TPST1: variants seen among roughly 807,000 people sequenced by gnomAD.
TPST1 encodes protein-tyrosine sulfotransferase 1.
TPST1 carries 20 observed loss-of-function variants against 34.8 expected under a neutral mutation model. The observed-to-expected ratio is 0.57, with a 90% confidence interval of 0.40 to 0.84. TPST1 has a LOEUF of 0.84. TPST1 is among the 40% of genes least tolerant of loss of function. The pLI is 0.00. For missense variants in TPST1, 353 were observed against 455.5 expected, an observed-to-expected ratio of 0.78 and a Z score of 2.05; for synonymous variants, 152 against 159.4, an observed-to-expected ratio of 0.95 and a Z score of 0.35.
chr7:66,215,537 G>A (rs1186389378), intron 1 of TPST1, among the ~76,000 whole-genome samples: 1 of 151,030 alleles, frequency 6.6e-6, no homozygotes, highest in Non-Finnish European at 1.5e-5. Flanking sequence ...ACCACGCCCA[G>A]CTAATTTTTT....
In TPST1 at chr7:66,278,652, C is replaced by T. The variant is rs773005175; in HGVS notation, c.846-7859C>T. Among the ~76,000 whole-genome samples, 6 of 151,884 alleles carry T rather than the reference C, an allele frequency of 4.0e-5. No homozygotes were observed. The South Asian group carries it at 1.0e-3, about 26-fold the overall frequency. Reference sequence around the variant, plus strand: ...ACAAAAAAGTAGCTGGGCTTGGTGGCGGGCGCCTGTAGTCCCAGCTACTGG... The same window carrying T: ...ACAAAAAAGTAGCTGGGCTTGGTGGTGGGCGCCTGTAGTCCCAGCTACTGG... On this transcript the variant is annotated intron_variant, in intron 2 of 5. Transcript: ENST00000304842.
At chr7:66,251,804 T>C (rs758245737) in intron 2 of TPST1, among the ~76,000 whole-genome samples, 14 of 152,038 alleles carry the variant, frequency 9.2e-5, no homozygotes, top group East Asian at 3.8e-4. Context: ...TTTTTTTTTT[T>C]CTCTGGCCTA....
intron 3 of TPST1, among the ~76,000 whole-genome samples, chr7:66,349,346 G>A (rs1429913625): frequency 6.6e-6 from 1 of 152,134 alleles, no homozygotes; most frequent in African/African-American, 2.4e-5. Context: ...CGAGGCAGGC[G>A]GATCACCTGA....
chr7:66,336,059 C>G (rs1422460277), intron 3 of TPST1, among the ~76,000 whole-genome samples: 1 of 152,178 alleles, frequency 6.6e-6, no homozygotes, highest in African/African-American at 2.4e-5. Context: ...GCCTGTAATC[C>G]CAGCACTTTG....
intron 2 of TPST1, among the ~76,000 whole-genome samples, chr7:66,260,066 T>C (rs575535579): frequency 9.8e-5 from 15 of 152,326 alleles, no homozygotes; most frequent in Non-Finnish European, 1.9e-4. Flanking sequence ...TTACTCCATG[T>C]CGTCTCATGT....
At chr7:66,226,444 A>G (rs751686802) in intron 1 of TPST1, among the ~76,000 whole-genome samples, 2 of 152,198 alleles carry the variant, frequency 1.3e-5, no homozygotes, top group Non-Finnish European at 2.9e-5. Flanking sequence ...TAGATGATCT[A>G]AAGACCCCTC....
intron 3 of TPST1, among the ~76,000 whole-genome samples, chr7:66,340,366 A>C (rs942505406): frequency 2.0e-5 from 3 of 152,204 alleles, no homozygotes; most frequent in Admixed American, 6.5e-5. Flanking sequence ...CTTCTGTTCA[A>C]CTTAGTACTT....
At chr7:66,338,262 G>T (rs1405194914) in intron 3 of TPST1, among the ~76,000 whole-genome samples, 1 of 151,874 alleles carries the variant, frequency 6.6e-6, no homozygotes, top group African/African-American at 2.4e-5. Flanking sequence ...ACGACAAAGG[G>T]GTCAGTACAG....
chr7:66,232,904 T>C (rs776891275), intron 1 of TPST1, among the ~76,000 whole-genome samples: 2 of 152,226 alleles, frequency 1.3e-5, no homozygotes, highest in Non-Finnish European at 2.9e-5. Flanking sequence ...TGTCATCTAG[T>C]GGGTGTCAAG....
chr7:66,232,029 A>G (rs1305461411), intron 1 of TPST1, among the ~76,000 whole-genome samples: 3 of 152,140 alleles, frequency 2.0e-5, no homozygotes, highest in African/African-American at 7.2e-5. Flanking sequence ...TTGTTTATCC[A>G]TTTATCAATT....
intron 1 of TPST1, among the ~76,000 whole-genome samples, chr7:66,223,330 G>A (rs545845323): frequency 6.6e-6 from 1 of 151,966 alleles, no homozygotes; most frequent in East Asian, 1.9e-4. Flanking sequence ...GGTATGGTTT[G>A]CATGCCCCTG....
In TPST1 at chr7:66,328,232, G is replaced by A. The variant is rs1791912505; in HGVS notation, c.1045-24273G>A. On this transcript the variant is annotated intron_variant, in intron 3 of 5. Coordinates refer to ENST00000304842, the MANE Select transcript of TPST1 (RefSeq NM_003596.4). ...AGTAGAGATGGGGTTTTACCATGTT[G>A]CCCAGGCTGGTCTCAAACTCCTGAG... is the stretch of plus-strand genomic sequence containing the variant. Among the ~76,000 whole-genome samples the A allele has an allele frequency of 3.3e-5, 5 of 151,810 alleles. No individual in the cohort carries two copies. In the South Asian group the frequency reaches 1.0e-3, roughly 32 times the overall value.
At chr7:66,299,120 C>T (rs1030904247) in intron 3 of TPST1, among the ~76,000 whole-genome samples, 4 of 103,134 alleles carry the variant, frequency 3.9e-5, no homozygotes, top group South Asian at 2.8e-4. Flanking sequence ...AGCGAGACAC[C>T]GTCTCAAAAA....
At chr7:66,277,184 G>T (rs1424422986) in intron 2 of TPST1, among the ~76,000 whole-genome samples, 1 of 152,116 alleles carries the variant, frequency 6.6e-6, no homozygotes, top group Non-Finnish European at 1.5e-5. Flanking sequence ...AGGAGCTTTG[G>T]CTGGTTGGTT....
chr7:66,213,441 TAA>T (rs1441689876), intron 1 of TPST1, among the ~76,000 whole-genome samples: 1 of 152,180 alleles, frequency 6.6e-6, no homozygotes, highest in African/African-American at 2.4e-5. Flanking sequence ...GTCATTTGTT[TAA>T]AGAGTGTATG....
At chr7:66,296,592 A>C (rs982587656) in intron 3 of TPST1, among the ~76,000 whole-genome samples, 1 of 149,914 alleles carries the variant, frequency 6.7e-6, no homozygotes, top group African/African-American at 2.4e-5. Context: ...TGTTTTCCTT[A>C]GTTATGGGGT....
At chr7:66,318,342 T>TA (rs774514717) in intron 3 of TPST1, among the ~76,000 whole-genome samples, 1 of 152,226 alleles carries the variant, frequency 6.6e-6, no homozygotes, top group Non-Finnish European at 1.5e-5. Flanking sequence ...TCATTACTGT[T>TA]ACTTTATATG....
intron 2 of TPST1, among the ~76,000 whole-genome samples, chr7:66,283,588 T>TTCA (rs1790977003): frequency 6.6e-6 from 1 of 152,210 alleles, no homozygotes; most frequent in Non-Finnish European, 1.5e-5. Context: ...TCACATGATT[T>TTCA]TCATGTGTAA....
At chr7:66,237,689 G>C (rs1447476657) in intron 1 of TPST1, among the ~76,000 whole-genome samples, 2 of 152,122 alleles carry the variant, frequency 1.3e-5, no homozygotes, top group Non-Finnish European at 2.9e-5. Context: ...AATTTAGAGT[G>C]GTGGGTAACG....
Sources: gnomAD v4.1 joint callset for allele counts (sites outside exome capture counted in the v4.1 genomes callset) on GRCh38, gnomAD v4.1.1 for gene constraint, MANE v1.5 for transcripts, NCBI Gene and HGNC (gene_info 2026-07-23, HGNC 2026-07-21) for gene names.